The following FAM13A variants were observed in gnomAD, a reference collection of about 807,000 sequenced individuals.
FAM13A encodes the protein family with sequence similarity 13 member A.
In FAM13A, 76 loss-of-function variants were observed where a neutral mutation model predicts 129.6. The observed-to-expected ratio is 0.59, with a 90% CI of 0.49 to 0.71. The LOEUF (loss-of-function observed/expected upper bound fraction) is 0.71, where lower values mean the gene tolerates loss of function less well. FAM13A is among the 30% of genes least tolerant of loss of function. FAM13A has a pLI of 0.00. For missense variants in FAM13A, 1,108 were observed against 1,249.3 expected, an observed-to-expected ratio of 0.89 and a Z score of 1.70; for synonymous variants, 443 against 449.9, an observed-to-expected ratio of 0.98 and a Z score of 0.20.
intron 23 of FAM13A, among the ~76,000 whole-genome samples, chr4:88,731,105 C>T (rs1303234727): frequency 1.3e-5 from 2 of 152,172 alleles, no homozygotes; most frequent in African/African-American, 2.4e-5. Flanking sequence ...TAGTCTTGGG[C>T]ATTACCCAAA....
intron 1 of FAM13A, among the ~76,000 whole-genome samples, chr4:89,052,317 T>C (rs1162109550): frequency 6.6e-6 from 1 of 151,478 alleles, no homozygotes; most frequent in Non-Finnish European, 1.5e-5. Context: ...TTTTATTTTA[T>C]TATTATTATA....
chr4:88,891,124 T>G (rs1745236361), intron 6 of FAM13A, among the ~76,000 whole-genome samples: 1 of 152,122 alleles, frequency 6.6e-6, no homozygotes, highest in Non-Finnish European at 1.5e-5. Context: ...TTTCAGAGAT[T>G]AGAAAAAAGG....
At chr4:88,840,346 CAG>C (rs1735612701) in intron 7 of FAM13A, among the ~76,000 whole-genome samples, 1 of 152,094 alleles carries the variant, frequency 6.6e-6, no homozygotes. Flanking sequence ...AATCCTTTAT[CAG>C]AGATTTGCTC....
Position 89,057,072 on chromosome 4 carries a change from G to A in FAM13A, c.-108C>T. On this transcript the variant is annotated 5_prime_UTR_variant, in exon 1 of 24. Coordinates refer to ENST00000264344, the MANE Select transcript of FAM13A (RefSeq NM_014883.4). ...CACATATTCTTTGATGTGAAAAACA[G>A]CTCCCAATGCAAAGGCCCCAAGGTA... 6.4e-7 allele frequency: 1 copy of A among 1,555,084 alleles called. No homozygotes were observed. The highest frequency in any genetic ancestry group is 1.4e-5 in the African/African-American group (1 of 72,882).
chr4:88,909,746 A>T (rs1748758531), intron 5 of FAM13A, among the ~76,000 whole-genome samples: 1 of 152,074 alleles, frequency 6.6e-6, no homozygotes, highest in African/African-American at 2.4e-5. Flanking sequence ...TGGCCTCCCA[A>T]AGTGCTGGGA....
intron 5 of FAM13A, among the ~76,000 whole-genome samples, chr4:88,916,652 C>T (rs943312356): frequency 6.6e-6 from 1 of 152,150 alleles, no homozygotes; most frequent in Non-Finnish European, 1.5e-5. Flanking sequence ...TTTGTACTTG[C>T]TGTTACTTCT....
intron 11 of FAM13A, among the ~76,000 whole-genome samples, chr4:88,776,637 G>GCATATAATTAAA (rs2149590066): frequency 6.6e-6 from 1 of 152,216 alleles, no homozygotes; most frequent in South Asian, 2.1e-4. Context: ...AAATAGCCTT[G>GCATATAATTAAA]TGGTGAGCAA....
chr4:88,842,544 T>C (rs1400694532), intron 7 of FAM13A, among the ~76,000 whole-genome samples: 1 of 152,242 alleles, frequency 6.6e-6, no homozygotes, highest in Non-Finnish European at 1.5e-5. Context: ...GTCAAATTAA[T>C]GGACTGGTAG....
intron 4 of FAM13A, among the ~76,000 whole-genome samples, chr4:88,962,299 CA>C (rs1432756425): frequency 1.3e-5 from 2 of 151,638 alleles, no homozygotes. Flanking sequence ...AAATATTTCA[CA>C]AAAAAAGAGA....
At chr4:88,956,738 C>T (rs771667473) in intron 4 of FAM13A, among the ~76,000 whole-genome samples, 8 of 152,198 alleles carry the variant, frequency 5.3e-5, no homozygotes, top group Non-Finnish European at 1.2e-4. Context: ...GTTACCCTCA[C>T]TTTCTAGCTT....
At chr4:88,933,986 G>A (rs1453322439) in intron 5 of FAM13A, among the ~76,000 whole-genome samples, 1 of 152,030 alleles carries the variant, frequency 6.6e-6, no homozygotes, top group Non-Finnish European at 1.5e-5. Flanking sequence ...TCTTGCTCAT[G>A]GTAATCCAAC....
intron 2 of FAM13A, among the ~76,000 whole-genome samples, chr4:89,026,039 T>G (rs1767920478): frequency 6.6e-6 from 1 of 152,180 alleles, no homozygotes; most frequent in African/African-American, 2.4e-5. Context: ...GAGACTATTA[T>G]CCAATGAATG....
chr4:88,818,243 C>A (rs1242373095), intron 7 of FAM13A, among the ~76,000 whole-genome samples: 2 of 151,948 alleles, frequency 1.3e-5, no homozygotes, highest in Non-Finnish European at 2.9e-5. Context: ...TCCAGTGATC[C>A]CCCCCGGACT....
intron 3 of FAM13A, among the ~76,000 whole-genome samples, chr4:88,992,926 G>GAAGA (rs10656188): frequency 0.69 from 105,299 of 151,654 alleles, 36,643 homozygotes; most frequent in Middle Eastern, 0.79. Flanking sequence ...GTTAAGTGAA[G>GAAGA]AACAGAAAAA....
chr4:89,031,728 T>C (rs1002364018), intron 1 of FAM13A, among the ~76,000 whole-genome samples: 2 of 152,222 alleles, frequency 1.3e-5, no homozygotes, highest in African/African-American at 4.8e-5. Context: ...AAGGGAAACA[T>C]GGTTGAGACA....
At chr4:88,813,157 A>T (rs978868865) in intron 7 of FAM13A, among the ~76,000 whole-genome samples, 1 of 152,126 alleles carries the variant, frequency 6.6e-6, no homozygotes, top group Admixed American at 6.6e-5. Context: ...GGGCAAGGTA[A>T]TGTTTGAGTA....
intron 11 of FAM13A, among the ~76,000 whole-genome samples, chr4:88,774,408 T>C (rs376342710): frequency 6.6e-6 from 1 of 152,208 alleles, no homozygotes; most frequent in Non-Finnish European, 1.5e-5. Context: ...GCTTGTCATA[T>C]AGTTAGTTGT....
At chr4:89,024,994 G>A (rs193284062) in intron 2 of FAM13A, among the ~76,000 whole-genome samples, 38 of 152,188 alleles carry the variant, frequency 2.5e-4, no homozygotes, top group African/African-American at 7.7e-4. Flanking sequence ...TGCATTACCC[G>A]AATACACCCT....
In FAM13A at chr4:89,024,640, A is replaced by C. The variant is rs564334879; in HGVS notation, c.218-3971T>G. On this transcript the variant is annotated intron_variant, in intron 2 of 23. Coordinates refer to ENST00000264344, the MANE Select transcript of FAM13A (RefSeq NM_014883.4). ...TGCTTACTGTGTATCACAGGTGTAC[A>C]GTAAATGTTTGTTGATCTGAAAAAA... is the stretch of plus-strand genomic sequence containing the variant. 4.6e-5 allele frequency among the ~76,000 whole-genome samples: 7 copies of C among 152,356 alleles called. No homozygotes were observed. In the South Asian group the frequency reaches 1.2e-3, roughly 27 times the overall value.
Sources: gnomAD v4.1 joint callset for allele counts (sites outside exome capture counted in the v4.1 genomes callset) on GRCh38, gnomAD v4.1.1 for gene constraint, MANE v1.5 for transcripts, NCBI Gene and HGNC (gene_info 2026-07-23, HGNC 2026-07-21) for gene names.